FAM13C: variants seen among roughly 807,000 people sequenced by gnomAD.
The protein encoded by FAM13C is family with sequence similarity 13 member C, also known as protein FAM13C.
A neutral mutation model predicts 73.2 loss-of-function variants in FAM13C; 37 were observed. The observed-to-expected ratio is 0.51, with a 90% confidence interval of 0.39 to 0.67. The LOEUF (loss-of-function observed/expected upper bound fraction) is 0.67, where lower values mean the gene tolerates loss of function less well. FAM13C is among the 30% of genes least tolerant of loss of function. The pLI is 0.00. For synonymous variants in FAM13C, 246 were observed against 260.9 expected, an observed-to-expected ratio of 0.94 and a Z score of 0.55; for missense variants, 589 against 715.6, an observed-to-expected ratio of 0.82 and a Z score of 2.02.
At chr10:59,284,361 G>A (rs1190637335) in intron 5 of FAM13C, among the ~76,000 whole-genome samples, 1 of 151,950 alleles carries the variant, frequency 6.6e-6, no homozygotes, top group South Asian at 2.1e-4. Context: ...CCCTCTCCAC[G>A]AGAAGGTTCT....
At chr10:59,282,547 G>A (rs1254026085) in intron 6 of FAM13C, 1 of 152,070 alleles carries the variant, frequency 6.6e-6, no homozygotes. Flanking sequence ...GTAAATCTTT[G>A]CCTTCAACTC....
At chr10:59,288,410 T>C (rs1845842712) in intron 5 of FAM13C, among the ~76,000 whole-genome samples, 1 of 152,152 alleles carries the variant, frequency 6.6e-6, no homozygotes. Context: ...TGAGAATTGC[T>C]TGAACCCAGG....
chr10:59,347,268 A>G (rs1215817279), intron 3 of FAM13C, among the ~76,000 whole-genome samples: 1 of 152,132 alleles, frequency 6.6e-6, no homozygotes. Context: ...AGTTGGTGCA[A>G]AACTGGAATC....
chr10:59,295,630 C>G lies in FAM13C; in HGVS notation c.507+7171G>C, dbSNP rs565013335. On this transcript the variant is annotated intron_variant, in intron 5 of 13. Transcript: ENST00000618804. ...CCCTAAGCAGAAAACCCAGTTGAGT[C>G]CACCCACATTTCTGACCTACATAAC... is the stretch of plus-strand genomic sequence containing the variant. Among the ~76,000 whole-genome samples the G allele has an allele frequency of 2.0e-5, 3 of 152,260 alleles. No individual in the cohort carries two copies. The South Asian group carries it at 6.2e-4, about 32-fold the overall frequency.
rs751283717 is a variant in FAM13C at position 59,247,663 on chromosome 10, C to G, written c.1709G>C (p.Arg570Thr). The change falls in exon 14 of 14, where the codon AGA becomes ACA. Residue 570 changes from arginine (R) to threonine (T), a missense_variant. Arg to Thr is a moderately conservative substitution (Grantham distance 71). Transcript: ENST00000618804. ...YEYKHIKAKL[R>T]LLEVLISKQD... ...CTTGCTGATGAGGACCTCTAATAGT[C>G]TCAGTTTGGCTTTTATGTGCTTATA... is the stretch of plus-strand genomic sequence containing the variant. The G allele has an allele frequency of 6.2e-7, 1 of 1,613,508 alleles. No homozygotes were observed. Among genetic ancestry groups the G allele is most frequent in the Non-Finnish European group, 8.5e-7 (1 of 1,179,680 alleles).
chr10:59,316,893 A>G (rs747869902), intron 4 of FAM13C, among the ~76,000 whole-genome samples: 1 of 152,208 alleles, frequency 6.6e-6, no homozygotes, highest in Non-Finnish European at 1.5e-5. Context: ...GCAATGTAAT[A>G]TAATTATGTA....
chr10:59,315,375 T>C (rs1297766592), intron 4 of FAM13C, among the ~76,000 whole-genome samples: 1 of 152,212 alleles, frequency 6.6e-6, no homozygotes, highest in East Asian at 1.9e-4. Flanking sequence ...ACTTAGATCA[T>C]GTCCCCATGT....
At chr10:59,297,502 T>C (rs1056612307) in intron 5 of FAM13C, among the ~76,000 whole-genome samples, 9 of 152,146 alleles carry the variant, frequency 5.9e-5, no homozygotes, top group African/African-American at 2.2e-4. Context: ...ATGACCTGAA[T>C]ATTATAGGAC....
At chr10:59,280,535 C>T (rs181119629) in intron 6 of FAM13C, among the ~76,000 whole-genome samples, 196 of 152,328 alleles carry the variant, frequency 1.3e-3, no homozygotes, top group Non-Finnish European at 2.4e-3. Context: ...ATTCAAGACA[C>T]TGTCCACTTG....
intron 8 of FAM13C, among the ~76,000 whole-genome samples, chr10:59,267,785 T>G (rs780788601): frequency 5.3e-5 from 8 of 152,194 alleles, no homozygotes; most frequent in Non-Finnish European, 1.0e-4. Context: ...TTCCCTGTTC[T>G]CTTTTATTCT....
chr10:59,355,603 T>C lies in FAM13C; in HGVS notation c.119+284A>G, dbSNP rs569854064. On this transcript the variant is annotated intron_variant, in intron 2 of 13. Coordinates refer to ENST00000618804, the MANE Select transcript of FAM13C (RefSeq NM_198215.4). ...GTGAATAATCTACAGCCTCTTCCTTTAGGGTGTGTGATGAGAATATTGAGA... is the reference window on the plus strand; with the variant it reads ...GTGAATAATCTACAGCCTCTTCCTTCAGGGTGTGTGATGAGAATATTGAGA... Among the ~76,000 whole-genome samples, 11 of 152,280 alleles carry C rather than the reference T, an allele frequency of 7.2e-5. No homozygotes were observed. In the South Asian group the frequency reaches 8.3e-4, roughly 11 times the overall value.
chr10:59,266,487 C>T lies in FAM13C; in HGVS notation c.942+2066G>A, dbSNP rs117135504. Among the ~76,000 whole-genome samples, 399 of 152,218 alleles carry T rather than the reference C, an allele frequency of 2.6e-3. 1 individual carries two copies. The highest frequency in any genetic ancestry group is 0.014 in the Middle Eastern group (4 of 294). On this transcript the variant is annotated intron_variant, in intron 8 of 13. Transcript: ENST00000618804. ...CTTACACACAGCAACCAGTTAAAGC[C>T]CACTGACATGTCAAACCTCTAAGCA...
At chr10:59,333,882 G>A (rs181010796) in intron 3 of FAM13C, among the ~76,000 whole-genome samples, 2 of 152,174 alleles carry the variant, frequency 1.3e-5, no homozygotes, top group East Asian at 1.9e-4. Context: ...AACAAGGGAC[G>A]TCTCTGCCTT....
intron 4 of FAM13C, among the ~76,000 whole-genome samples, chr10:59,308,844 G>A (rs572047717): frequency 7.2e-5 from 11 of 152,242 alleles, no homozygotes; most frequent in Admixed American, 3.3e-4. Flanking sequence ...CCTAAAGCTC[G>A]TGCTGAGTCA....
intron 1 of FAM13C, among the ~76,000 whole-genome samples, chr10:59,356,630 C>G (rs771043706): frequency 2.6e-4 from 39 of 152,266 alleles, no homozygotes; most frequent in Non-Finnish European, 4.4e-4. Context: ...CCTTCACTGC[C>G]CAAGTCAGGT....
intron 1 of FAM13C, chr10:59,360,888 G>C: frequency 3.1e-6 from 1 of 322,186 alleles, no homozygotes; most frequent in Admixed American, 4.6e-5. Context: ...AAGTCCACGT[G>C]AAATCTGGAG....
At chr10:59,287,959 A>T (rs535878046) in intron 5 of FAM13C, among the ~76,000 whole-genome samples, 108 of 152,274 alleles carry the variant, frequency 7.1e-4, no homozygotes, top group Non-Finnish European at 4.4e-5. Flanking sequence ...AGGCTACATG[A>T]CTTCTAAGTC....
intron 4 of FAM13C, among the ~76,000 whole-genome samples, chr10:59,320,506 A>G (rs1487107016): frequency 6.6e-6 from 1 of 152,218 alleles, no homozygotes; most frequent in Non-Finnish European, 1.5e-5. Context: ...AGACATTAGG[A>G]CAAGGGTTCT....
In FAM13C at chr10:59,297,551, C is replaced by T. The variant is rs145398484; in HGVS notation, c.507+5250G>A. On this transcript the variant is annotated intron_variant, in intron 5 of 13. Coordinates refer to ENST00000618804, the MANE Select transcript of FAM13C (RefSeq NM_198215.4). ...TCTGGGTTGGTTTCTTCCTCTCCAT[C>T]AGTGGCCCCTGACATTCAGTTACTT... Among the ~76,000 whole-genome samples, 399 of 152,286 alleles carry T rather than the reference C, an allele frequency of 2.6e-3. 3 individuals are homozygous for T. Among genetic ancestry groups the T allele is most frequent in the African/African-American group, 8.6e-3 (358 of 41,550 alleles).
Sources: gnomAD v4.1 joint callset for allele counts (sites outside exome capture counted in the v4.1 genomes callset) on GRCh38, gnomAD v4.1.1 for gene constraint, MANE v1.5 for transcripts, NCBI Gene and HGNC (gene_info 2026-07-23, HGNC 2026-07-21) for gene names.